Variants in SEMA3D observed in about 807,000 individuals in gnomAD.
SEMA3D encodes semaphorin-3D.
A neutral mutation model predicts 100.1 loss-of-function variants in SEMA3D; 84 were observed. The observed-to-expected ratio is 0.84, with a 90% CI of 0.70 to 1.01. The LOEUF (loss-of-function observed/expected upper bound fraction) is 1.01, where lower values mean the gene tolerates loss of function less well. Ranked by LOEUF, SEMA3D falls within the 50% of genes least tolerant of loss-of-function variation. The probability of loss-of-function intolerance (pLI) is 0.00; values close to 1 mark genes in which losing one functional copy is unlikely to be tolerated. For synonymous variants in SEMA3D, 312 were observed against 320.7 expected (o/e 0.97, Z 0.29); for missense variants, 875 against 934.1 (o/e 0.94, Z 0.82).
the SEMA3D span, among the ~76,000 whole-genome samples, chr7:85,225,068 AT>A: frequency 2.3e-3 from 12 of 5,116 alleles, no homozygotes; most frequent in African/African-American, 9.8e-3. Flanking sequence ...ATATATATAT[AT>A]ATATATATAT....
intron 1 of SEMA3D, among the ~76,000 whole-genome samples, chr7:85,176,878 G>A (rs1791247997): frequency 6.6e-6 from 1 of 151,662 alleles, no homozygotes; most frequent in Non-Finnish European, 1.5e-5. Context: ...ATTCAAAAAT[G>A]GATCACATAT....
At chr7:85,015,035 A>ATAT (rs1790057917) in intron 16 of SEMA3D, 24 bp downstream of exon 16, 2 of 1,594,370 alleles carry the variant, frequency 1.3e-6, no homozygotes, top group South Asian at 2.2e-5. Flanking sequence ...GGAAGCCTTT[A>ATAT]TATTAACTCC....
chr7:85,099,038 C>G (rs1295494249), intron 3 of SEMA3D, among the ~76,000 whole-genome samples: 5 of 151,902 alleles, frequency 3.3e-5, no homozygotes, highest in Non-Finnish European at 7.4e-5. Flanking sequence ...ATTTTGTTGT[C>G]TGGATGTACC....
intron 2 of SEMA3D, chr7:85,140,604 T>TATAA: frequency 1.1e-6 from 1 of 914,862 alleles, no homozygotes; most frequent in Non-Finnish European, 1.3e-6. Context: ...TATCTCTATA[T>TATAA]ATAATAATCA....
chr7:85,239,872 G>A, the SEMA3D span, among the ~76,000 whole-genome samples: 434 of 152,144 alleles, frequency 2.9e-3, 4 homozygotes, highest in African/African-American at 1.0e-2. Context: ...TATTAACTTC[G>A]TATTCTGTAA....
rs190942543 is a variant in SEMA3D, at chr7:85,101,574, G to A, written c.152-3609C>T. Among the ~76,000 whole-genome samples the A allele has an allele frequency of 4.2e-4, 64 of 152,050 alleles. 1 individual carries two copies. Among genetic ancestry groups the A allele is most frequent in the Non-Finnish European group, 6.5e-4 (44 of 67,936 alleles). ...GGAAATGATGTGATAAGCCATGTTG[G>A]TGTGAGGAATAAACGAGTTAATGCA... On this transcript the variant is annotated intron_variant, in intron 3 of 18. Transcript: ENST00000284136.
intron 1 of SEMA3D, among the ~76,000 whole-genome samples, chr7:85,162,267 G>A (rs1243445519): frequency 6.6e-6 from 1 of 152,064 alleles, no homozygotes; most frequent in African/African-American, 2.4e-5. Context: ...CCACTGCACT[G>A]TATGTCCTGC....
chr7:85,221,497 C>T, the SEMA3D span, among the ~76,000 whole-genome samples: 8 of 151,964 alleles, frequency 5.3e-5, no homozygotes, highest in Admixed American at 3.9e-4. Flanking sequence ...CCTGTGTTAT[C>T]GTATCTGAGA....
intron 1 of SEMA3D, among the ~76,000 whole-genome samples, chr7:85,167,020 A>C (rs1413573878): frequency 6.6e-6 from 1 of 151,956 alleles, no homozygotes; most frequent in Non-Finnish European, 1.5e-5. Context: ...TTTAATTGAA[A>C]AAATGTCCTG....
At chr7:85,142,365 T>C (rs915289389) in intron 2 of SEMA3D, 16 of 918,204 alleles carry the variant, frequency 1.7e-5, no homozygotes, top group Non-Finnish European at 2.1e-5. Flanking sequence ...AAAATCAAAA[T>C]TTATTTCTCT....
At chr7:85,119,265 G>A (rs1789338698) in intron 3 of SEMA3D, among the ~76,000 whole-genome samples, 1 of 152,110 alleles carries the variant, frequency 6.6e-6, no homozygotes, top group South Asian at 2.1e-4. Flanking sequence ...CCATTACTGG[G>A]TATATACCCC....
In SEMA3D at chr7:84,997,670, T is replaced by C. The variant is rs549420129; in HGVS notation, c.*1770A>G. On this transcript the variant is annotated 3_prime_UTR_variant, in exon 19 of 19. Coordinates refer to ENST00000284136, the MANE Select transcript of SEMA3D (RefSeq NM_001384900.1). ...AATGCTCTCAACATAGAGCCACAGATCTTGCATTAAGTTGCCCTCTAATCA... is the reference window on the plus strand; with the variant it reads ...AATGCTCTCAACATAGAGCCACAGACCTTGCATTAAGTTGCCCTCTAATCA... 1.3e-5 allele frequency: 2 copies of C among 152,528 alleles called. No individual in the cohort carries two copies. The highest frequency in any genetic ancestry group is 4.8e-5 in the African/African-American group (2 of 41,432). The allele number at this position is 152,528 out of a possible 1,614,324, so 9.4% of individuals were successfully genotyped here.
chr7:85,172,026 A>G (rs1286444010), intron 1 of SEMA3D, among the ~76,000 whole-genome samples: 2 of 151,800 alleles, frequency 1.3e-5, no homozygotes, highest in Admixed American at 1.3e-4. Context: ...ACATACATAT[A>G]TAGACACACA....
intron 17 of SEMA3D, among the ~76,000 whole-genome samples, chr7:85,010,019 T>C (rs1462014116): frequency 6.6e-6 from 1 of 151,730 alleles, no homozygotes; most frequent in African/African-American, 2.4e-5. Context: ...AAAAAAAATG[T>C]ATTTTAGATG....
chr7:85,049,977 AT>A (rs1791114544), intron 9 of SEMA3D, among the ~76,000 whole-genome samples: 1 of 151,686 alleles, frequency 6.6e-6, no homozygotes, highest in Non-Finnish European at 1.5e-5. Context: ...TTCAAAAGTA[AT>A]GCAAAACAGC....
chr7:85,053,968 G>A (rs1351793903), intron 9 of SEMA3D, among the ~76,000 whole-genome samples: 1 of 151,564 alleles, frequency 6.6e-6, no homozygotes, highest in Non-Finnish European at 1.5e-5. Flanking sequence ...ACTCATTTAC[G>A]ACAATTTTCT....
chr7:85,112,086 C>T (rs544297386), intron 3 of SEMA3D, among the ~76,000 whole-genome samples: 52 of 152,228 alleles, frequency 3.4e-4, no homozygotes, highest in African/African-American at 1.2e-3. Flanking sequence ...AAATAATTCA[C>T]TGCTATATCA....
chr7:85,014,726 AG>A (rs1159583348), intron 16 of SEMA3D, among the ~76,000 whole-genome samples: 1 of 151,752 alleles, frequency 6.6e-6, no homozygotes, highest in Non-Finnish European at 1.5e-5. Flanking sequence ...TTTAGAAATA[AG>A]AAATAAGGAA....
At chr7:85,234,980 A>G in the SEMA3D span, among the ~76,000 whole-genome samples, 5 of 152,120 alleles carry the variant, frequency 3.3e-5, no homozygotes, top group African/African-American at 1.2e-4. Context: ...GGAATTTCTC[A>G]GCAGCTTGGG....
Sources: gnomAD v4.1 joint callset for allele counts (sites outside exome capture counted in the v4.1 genomes callset) on GRCh38, gnomAD v4.1.1 for gene constraint, MANE v1.5 for transcripts, NCBI Gene and HGNC (gene_info 2026-07-23, HGNC 2026-07-21) for gene names.